Variants in KTN1 observed in about 807,000 individuals in gnomAD.
KTN1 encodes kinectin 1.
Under a neutral mutation model 222.5 loss-of-function variants are expected in KTN1, and 130 were observed. That is an observed-to-expected ratio of 0.58 (90% CI 0.51 to 0.68). The LOEUF is 0.68. Ranked by LOEUF, KTN1 falls within the 30% of genes least tolerant of loss-of-function variation. The pLI is 0.00. For missense variants in KTN1, 1,508 were observed against 1,500.4 expected (o/e 1.01, Z -0.08); for synonymous variants, 512 against 496.3 (o/e 1.03, Z -0.42).
At chr14:55,581,052 G>T (rs1208947485) in intron 1 of KTN1, among the ~76,000 whole-genome samples, 5 of 152,262 alleles carry the variant, frequency 3.3e-5, no homozygotes, top group Non-Finnish European at 1.5e-5. Flanking sequence ...TCCCCGAGGG[G>T]TGTGTCCTAG....
At chr14:55,654,963 T>C (rs574212247) in intron 28 of KTN1, among the ~76,000 whole-genome samples, 18 of 152,262 alleles carry the variant, frequency 1.2e-4, no homozygotes, top group Middle Eastern at 3.4e-3. Flanking sequence ...AGTATATGGC[T>C]TTTCTGGTTT....
At chr14:55,633,392 G>T in intron 8 of KTN1, 51 bp downstream of exon 8, 1 of 1,100,252 alleles carries the variant, frequency 9.1e-7, no homozygotes, top group South Asian at 1.8e-5. Context: ...GTATTTTCTT[G>T]AATCATCAAA....
intron 18 of KTN1, among the ~76,000 whole-genome samples, chr14:55,646,436 C>CTTTCCTTTCCTTTCCTTTTCCTTTTCCT (rs1566787613): frequency 3.1e-5 from 3 of 96,874 alleles, no homozygotes; most frequent in African/African-American, 1.3e-4. Flanking sequence ...CCTTCCTTTC[C>CTTTCCTTTCCTTTCCTTTTCCTTTTCCT]TTTCCTTTTC....
In KTN1 at chr14:55,607,482, C is replaced by G. The variant is rs1199227970; in HGVS notation, c.-30-4537C>G. On this transcript the variant is annotated intron_variant, in intron 1 of 43. Coordinates refer to ENST00000395314, the MANE Select transcript of KTN1 (RefSeq NM_001079521.2). Reference sequence around the variant, plus strand: ...CTTAGTGAGTGTGGATACTTTTTTTCTTTGAGAAAGCGGGTCAGTATCTTT... The same window carrying G: ...CTTAGTGAGTGTGGATACTTTTTTTGTTTGAGAAAGCGGGTCAGTATCTTT... 2.0e-5 allele frequency: 3 copies of G among 151,962 alleles called. No homozygotes were observed. The East Asian group carries it at 5.8e-4, about 29-fold the overall frequency. 9.4% of individuals were successfully genotyped at this position (151,962 alleles called of 1,614,324 possible). A position where few individuals can be genotyped will look rare whatever the true frequency, so the allele number is the denominator to read the frequency against.
intron 1 of KTN1, among the ~76,000 whole-genome samples, chr14:55,598,250 A>G (rs1008804949): frequency 1.8e-4 from 28 of 152,130 alleles, no homozygotes; most frequent in Non-Finnish European, 4.4e-5. Context: ...CCTGGCTAAC[A>G]TGGTGAAACC....
chr14:55,650,851 A>G (rs2042866756), intron 24 of KTN1, among the ~76,000 whole-genome samples: 1 of 152,178 alleles, frequency 6.6e-6, no homozygotes, highest in Admixed American at 6.5e-5. Context: ...GTTATTTTCT[A>G]GAACATTTTT....
At chr14:55,655,639 A>T (rs1201694487) in intron 28 of KTN1, among the ~76,000 whole-genome samples, 6 of 152,184 alleles carry the variant, frequency 3.9e-5, no homozygotes, top group Admixed American at 3.9e-4. Flanking sequence ...TGGGTAAGGG[A>T]AAAACAGATT....
intron 14 of KTN1, 130 bp downstream of exon 14, chr14:55,640,133 T>C (rs2041619693): frequency 2.9e-6 from 2 of 694,524 alleles, no homozygotes; most frequent in African/African-American, 3.6e-5. Flanking sequence ...TAACTGTTTT[T>C]CTAAACTACA....
At chr14:55,650,011 A>C (rs944546935) in intron 22 of KTN1, among the ~76,000 whole-genome samples, 198 bp downstream of exon 22, 1 of 151,906 alleles carries the variant, frequency 6.6e-6, no homozygotes, top group Non-Finnish European at 1.5e-5. Flanking sequence ...AAAAAAACAA[A>C]AAAAAACTAT....
In KTN1 at chr14:55,612,531, G is replaced by T. The variant is rs377055271; in HGVS notation, c.483G>T (p.Ser161=). 6.2e-7 allele frequency: 1 copy of T among 1,602,290 alleles called. No individual in the cohort carries two copies. The highest frequency in any genetic ancestry group is 1.1e-5 in the South Asian group (1 of 88,024). The part of the protein sequence containing the change: ...QPTPPSEAAA[S]KKKPGQKKSK... ...CCCCTCCCTCTGAAGCAGCTGCCTC[G>T]AAGAAGAAACCAGGGCAGAAGAAGT... Residue 161 remains serine, a synonymous_variant, in exon 2 of 44, where the codon TCG becomes TCT. Coordinates refer to ENST00000395314, the MANE Select transcript of KTN1 (RefSeq NM_001079521.2).
intron 18 of KTN1, among the ~76,000 whole-genome samples, chr14:55,644,763 C>T (rs1302411566): frequency 1.3e-5 from 2 of 151,870 alleles, no homozygotes; most frequent in Admixed American, 1.3e-4. Flanking sequence ...TTTTGGAAAT[C>T]ATCTAGGGGA....
rs1251932293 is a variant in KTN1 at position 55,646,436 on chromosome 14, CTTTCCT to C, written c.2173-510_2173-505del. Among the ~76,000 whole-genome samples, 241 of 96,874 alleles carry C rather than the reference CTTTCCT, an allele frequency of 2.5e-3. 3 individuals carry two copies. The highest frequency in any genetic ancestry group is 7.8e-3 in the African/African-American group (180 of 23,034). 63.6% of individuals were successfully genotyped at this position (96,874 alleles called of 152,430 possible). On this transcript the variant is annotated intron_variant, in intron 18 of 43. Transcript: ENST00000395314. ...TTTTTTCCTTTCTTTCCTTCCTTTC[CTTTCCT>C]TTTCCTTTTCCTTTTCCTTTTCCTT...
chr14:55,619,189 T>G lies in KTN1; in HGVS notation c.840T>G (p.Ala280=), dbSNP rs1449622140. 6.2e-7 allele frequency: 1 copy of G among 1,602,652 alleles called. No individual in the cohort carries two copies. Among genetic ancestry groups the G allele is most frequent in the South Asian group, 1.1e-5 (1 of 89,906 alleles). The part of the protein sequence containing the change: ...KLKTETDKEN[A]EVKFKDFLLS... ...TGTTTTTTTCAAATTAAGAAAATGC[T>G]GAAGTGAAGTTTAAAGATTTTCTTC... is the stretch of plus-strand genomic sequence containing the variant. Residue 280 remains alanine (A), a synonymous_variant, in exon 5 of 44, where the codon GCT becomes GCG. Transcript: ENST00000395314.
chr14:55,669,467 T>C (rs1245734606), intron 34 of KTN1, among the ~76,000 whole-genome samples: 2 of 152,024 alleles, frequency 1.3e-5, no homozygotes, highest in Admixed American at 6.6e-5. Flanking sequence ...ATTTATGTTA[T>C]AAAATAATAA....
chr14:55,651,941 A>T lies in KTN1; in HGVS notation c.2603+14A>T, dbSNP rs1344933528. The T allele has an allele frequency of 6.7e-7, 1 of 1,501,656 alleles. No individual in the cohort carries two copies. Among genetic ancestry groups the T allele is most frequent in the African/African-American group, 1.4e-5 (1 of 71,612 alleles). The allele number at this position is 1,501,656 out of a possible 1,614,324, so 93.0% of individuals were successfully genotyped here. ...GCTTCAGAACTTGTAAGTACCATTT[A>T]TCTCATTTCCTTTTACTATTTCTTT... On this transcript the variant is annotated intron_variant, in intron 25 of 43. Transcript: ENST00000395314.
At chr14:55,590,515 A>AGTG (rs2033913656) in intron 1 of KTN1, among the ~76,000 whole-genome samples, 1 of 151,802 alleles carries the variant, frequency 6.6e-6, no homozygotes, top group Non-Finnish European at 1.5e-5. Context: ...CCCTTCCCAC[A>AGTG]CTCTAACCAC....
chr14:55,634,158 G>A (rs2140940959), intron 8 of KTN1, among the ~76,000 whole-genome samples: 1 of 152,176 alleles, frequency 6.6e-6, no homozygotes, highest in South Asian at 2.1e-4. Context: ...CTTTCCTTGT[G>A]ATAGTGATTG....
chr14:55,653,703 G>A (rs947296902), intron 28 of KTN1, 107 bp downstream of exon 28: 39 of 765,808 alleles, frequency 5.1e-5, no homozygotes, highest in Non-Finnish European at 7.4e-5. Context: ...TAACTTTATT[G>A]TTAAGTGGAA....
chr14:55,658,139 A>AGCTGGGGCAGGCGG (rs952744570), intron 29 of KTN1, among the ~76,000 whole-genome samples: 5 of 152,146 alleles, frequency 3.3e-5, no homozygotes, highest in Non-Finnish European at 7.4e-5. Context: ...TGGTTGTCAC[A>AGCTGGGGCAGGCGG]GCTGGGGCAG....
Sources: allele counts gnomAD v4.1 joint callset (sites outside exome capture counted in the v4.1 genomes callset), GRCh38; gene constraint gnomAD v4.1.1; transcripts MANE v1.5; gene names NCBI Gene and HGNC (gene_info 2026-07-23, HGNC 2026-07-21).